The following SIRT3 variants were observed in gnomAD, a reference collection of about 807,000 sequenced individuals.
The protein encoded by SIRT3 is NAD-dependent protein deacetylase sirtuin-3, mitochondrial.
In SIRT3, 26 loss-of-function variants were observed where a neutral mutation model predicts 33.5. The observed-to-expected ratio is 0.78, with a 90% CI of 0.57 to 1.08. SIRT3 has a LOEUF of 1.08. Among genes scored for constraint, SIRT3 ranks in the 50% least tolerant of loss-of-function variants. SIRT3 has a pLI of 0.00. For synonymous variants in SIRT3, 237 were observed against 222.1 expected (o/e 1.07, Z -0.60); for missense variants, 585 against 530.1 (o/e 1.10, Z -1.02).
At position 233,009 on chromosome 11, in the gene SIRT3, G is replaced by T. The variant is rs756315025; in HGVS notation, c.680C>A (p.Thr227Lys). 3.5e-5 allele frequency: 57 copies of T among 1,614,046 alleles called. No individual in the cohort carries two copies. The highest frequency in any genetic ancestry group is 4.7e-5 in the Non-Finnish European group (55 of 1,180,024). The change falls in exon 3 of 7, where the codon ACG becomes AAG. Residue 227 changes from threonine (T) to lysine (K), a missense_variant. Thr to Lys is a moderately conservative substitution (Grantham distance 78, BLOSUM62 -1). Transcript: ENST00000382743. The part of the protein sequence containing the change: ...HDKGLLLRLY[T>K]QNIDGLERVS... ...TCTCTCAAGCCCATCGATGTTCTGC[G>T]TGTAGAGCCGCAGAAGCAGCCCCTT...
intron 6 of SIRT3, among the ~76,000 whole-genome samples, 153 bp from the exon 7 acceptor site, chr11:216,871 AGAG>A (rs1458484779): frequency 1.3e-5 from 2 of 152,220 alleles, no homozygotes; most frequent in Non-Finnish European, 2.9e-5. Context: ...TGCTGGGCTA[AGAG>A]GATCCCAGCA....
chr11:216,640 G>A lies in SIRT3; in HGVS notation c.*58C>T. ...TGTCTTCAGGCATGAGGTCTTGTCA[G>A]AATTGGGATGTGGATGTCTCCTATG... On this transcript the variant is annotated 3_prime_UTR_variant, in exon 7 of 7. Transcript: ENST00000382743. 1.3e-6 allele frequency: 2 copies of A among 1,599,796 alleles called. No individual in the cohort carries two copies. The highest frequency in any genetic ancestry group is 1.7e-6 in the Non-Finnish European group (2 of 1,167,408).
At chr11:220,166 C>T (rs930054617) in intron 5 of SIRT3, among the ~76,000 whole-genome samples, 11 of 151,756 alleles carry the variant, frequency 7.2e-5, no homozygotes, top group African/African-American at 2.7e-4. Flanking sequence ...CACGTCTCTA[C>T]TAAAAATACA....
chr11:232,405 C>T (rs997806594), intron 3 of SIRT3, among the ~76,000 whole-genome samples: 1 of 152,104 alleles, frequency 6.6e-6, no homozygotes, highest in Non-Finnish European at 1.5e-5. Context: ...AGGTGTGATC[C>T]CACACCTGTA....
upstream of SIRT3, chr11:236,798 G>T: frequency 3.6e-6 from 2 of 552,792 alleles, no homozygotes; most frequent in East Asian, 3.2e-5. Context: ...GACCACAGGC[G>T]CCCACACTCT....
chr11:220,188 G>A (rs575256951), intron 5 of SIRT3, among the ~76,000 whole-genome samples: 1 of 151,726 alleles, frequency 6.6e-6, no homozygotes, highest in African/African-American at 2.4e-5. Flanking sequence ...AACTTAGCTG[G>A]GCGTGGTGGC....
chr11:224,753 C>T (rs773497801), intron 4 of SIRT3, among the ~76,000 whole-genome samples: 1 of 152,158 alleles, frequency 6.6e-6, no homozygotes, highest in African/African-American at 2.4e-5. Context: ...TTAGGAGTAA[C>T]AACATCTGCC....
chr11:233,711 G>T lies in SIRT3; in HGVS notation c.282-177C>A, dbSNP rs148849482. On this transcript the variant is annotated intron_variant, in intron 1 of 6. Coordinates refer to ENST00000382743, the MANE Select transcript of SIRT3 (RefSeq NM_012239.6). ...GACGACTATTGGGGTACAACAAAAA[G>T]CAGTCATAAATCAGAAATCAAGACT... 4.1e-4 allele frequency: 259 copies of T among 626,708 alleles called. 3 individuals carry two copies. In the East Asian group the frequency reaches 6.8e-3, roughly 16 times the overall value. The allele number at this position is 626,708 out of a possible 1,614,324, so 38.8% of individuals were successfully genotyped here.
At position 223,396 on chromosome 11, in the gene SIRT3, T is replaced by C; in HGVS notation, c.969+682A>G. 1 of 236,060 alleles carries C rather than the reference T, an allele frequency of 4.2e-6. No individual in the cohort carries two copies. Among genetic ancestry groups the C allele is most frequent in the Non-Finnish European group, 8.6e-6 (1 of 116,634 alleles). 14.6% of individuals were successfully genotyped at this position (236,060 alleles called of 1,614,324 possible). A position where few individuals can be genotyped will look rare whatever the true frequency, so the allele number is the denominator to read the frequency against. On this transcript the variant is annotated intron_variant, in intron 5 of 6. Coordinates refer to ENST00000382743, the MANE Select transcript of SIRT3 (RefSeq NM_012239.6). The surrounding 1 kb of genome is among the most constrained non-coding windows in gnomAD (Gnocchi z 4.8). ...AAAACATCACAGACTGCGAGTCCAG[T>C]CCCCCTCCTCGCCATCCCTCAGGCG... is the stretch of plus-strand genomic sequence containing the variant.
Position 233,553 on chromosome 11 carries a change from G to A in SIRT3, c.282-19C>T, listed in dbSNP as rs1858415475. 1 of 1,612,196 alleles carries A rather than the reference G, an allele frequency of 6.2e-7. No individual in the cohort carries two copies. Among genetic ancestry groups the A allele is most frequent in the Non-Finnish European group, 8.5e-7 (1 of 1,178,802 alleles). On this transcript the variant is annotated intron_variant, in intron 1 of 6. Coordinates refer to ENST00000382743, the MANE Select transcript of SIRT3 (RefSeq NM_012239.6). ...TTTAATACTGACAGAAAAAAACACA[G>A]CAGCAAAGGAAACAGATAGCAACCA... is the stretch of plus-strand genomic sequence containing the variant.
rs1424865591 is a variant in SIRT3, at chr11:215,523, AC to A, written c.*1174del. 6.6e-6 allele frequency: 1 copy of A among 152,168 alleles called. No homozygotes were observed. The highest frequency in any genetic ancestry group is 1.5e-5 in the Non-Finnish European group (1 of 68,020). 9.4% of individuals were successfully genotyped at this position (152,168 alleles called of 1,614,324 possible). ...TCTTATTAAGGCGCAAAGTCACAGG[AC>A]CCCCTTCCTGGGAGTCACTGTCATT... On this transcript the variant is annotated 3_prime_UTR_variant, in exon 7 of 7. Transcript: ENST00000382743.
At chr11:236,714 G>A, upstream of SIRT3, 1 of 414,308 alleles carries the variant, frequency 2.4e-6, no homozygotes, top group Non-Finnish European at 4.4e-6. Flanking sequence ...AACACTACTG[G>A]GAAGATCCTC....
chr11:229,030 C>A lies in SIRT3; in HGVS notation c.807+1422G>T, dbSNP rs116303059. ...GCTACAGTGGGTTACCACCTCCCAC[C>A]CACTGGGATAGCTGTAATTAAAAAA... On this transcript the variant is annotated intron_variant, in intron 4 of 6. Coordinates refer to ENST00000382743, the MANE Select transcript of SIRT3 (RefSeq NM_012239.6). Among the ~76,000 whole-genome samples the A allele has an allele frequency of 5.1e-3, 779 of 152,320 alleles. 6 individuals carry two copies. The highest frequency in any genetic ancestry group is 0.018 in the African/African-American group (752 of 41,558).
chr11:217,081 T>C (rs1028588309), intron 6 of SIRT3, among the ~76,000 whole-genome samples: 9 of 152,248 alleles, frequency 5.9e-5, no homozygotes, highest in African/African-American at 2.2e-4. Flanking sequence ...AACTAGATTA[T>C]ACAGTTCAAA....
upstream of SIRT3, chr11:236,861 G>T: frequency 1.6e-6 from 1 of 606,728 alleles, no homozygotes; most frequent in Non-Finnish European, 2.9e-6. Context: ...GCAAACGCCG[G>T]AGAGTTTTGT....
In SIRT3 at chr11:230,436, C is replaced by T. The variant is rs200730375; in HGVS notation, c.807+16G>A. 132 of 1,406,182 alleles carry T rather than the reference C, an allele frequency of 9.4e-5. No homozygotes were observed. The highest frequency in any genetic ancestry group is 1.2e-4 in the Non-Finnish European group (130 of 1,066,488). The allele number at this position is 1,406,182 out of a possible 1,614,324, so 87.1% of individuals were successfully genotyped here. A position where few individuals can be genotyped will look rare whatever the true frequency, so the allele number is the denominator to read the frequency against. ...CAGCAAACTGCAGAAGGACAACCAA[C>T]AGCAGGATAACTCACCCGAATGTCC... On this transcript the variant is annotated intron_variant, in intron 4 of 6. Coordinates refer to ENST00000382743, the MANE Select transcript of SIRT3 (RefSeq NM_012239.6).
chr11:227,099 A>G (rs942321196), intron 4 of SIRT3, among the ~76,000 whole-genome samples: 1 of 151,926 alleles, frequency 6.6e-6, no homozygotes, highest in African/African-American at 2.4e-5. Flanking sequence ...TCATATGGAA[A>G]ACCACAGTGG....
intron 4 of SIRT3, among the ~76,000 whole-genome samples, chr11:227,141 T>G (rs1032970052): frequency 1.3e-5 from 2 of 150,666 alleles, no homozygotes; most frequent in African/African-American, 4.9e-5. Flanking sequence ...ACAAAAGTCT[T>G]AAAAAACAGG....
intron 6 of SIRT3, 61 bp from the exon 7 acceptor site, chr11:216,779 A>G: frequency 6.3e-7 from 1 of 1,577,384 alleles, no homozygotes; most frequent in Non-Finnish European, 8.7e-7. Context: ...AGGCCAGCAG[A>G]TCTCTGTTCA....
Sources: allele counts gnomAD v4.1 joint callset (sites outside exome capture counted in the v4.1 genomes callset), GRCh38; gene constraint gnomAD v4.1.1; non-coding constraint Gnocchi (gnomAD v3.1); transcripts MANE v1.5; gene names NCBI Gene and HGNC (gene_info 2026-07-23, HGNC 2026-07-21).